GRID1: variants seen among roughly 807,000 people sequenced by gnomAD.
GRID1 encodes the protein glutamate receptor ionotropic, delta-1.
Under a neutral mutation model 98.0 loss-of-function variants are expected in GRID1, and 28 were observed. The ratio of observed to expected loss-of-function variants is 0.29; its 90% confidence interval spans 0.21 to 0.39. The LOEUF (loss-of-function observed/expected upper bound fraction) is 0.39. Among genes scored for constraint, GRID1 ranks in the 10% least tolerant of loss-of-function variants. The pLI is 1.00. For missense variants in GRID1, 1,111 were observed against 1,340.5 expected (o/e 0.83, Z 2.67); for synonymous variants, 553 against 538.5 (o/e 1.03, Z -0.37).
chr10:86,286,785 G>A (rs1314114785), intron 2 of GRID1, among the ~76,000 whole-genome samples: 3 of 152,234 alleles, frequency 2.0e-5, no homozygotes, highest in South Asian at 2.1e-4. Flanking sequence ...ACAGCTCTCC[G>A]CTCTGGGCGC....
chr10:85,914,724 G>C (rs1841588161), intron 5 of GRID1, among the ~76,000 whole-genome samples: 1 of 152,120 alleles, frequency 6.6e-6, no homozygotes, highest in African/African-American at 2.4e-5. Flanking sequence ...TATTAGCAAA[G>C]AACTAATGAG....
chr10:85,629,350 C>T (rs1040358680), intron 13 of GRID1, among the ~76,000 whole-genome samples: 1 of 152,104 alleles, frequency 6.6e-6, no homozygotes, highest in African/African-American at 2.4e-5. Flanking sequence ...ATATTGTACC[C>T]TTCATGTAAT....
chr10:85,643,682 G>T (rs1843150871), intron 13 of GRID1, among the ~76,000 whole-genome samples: 1 of 151,882 alleles, frequency 6.6e-6, no homozygotes, highest in Non-Finnish European at 1.5e-5. Flanking sequence ...TATGACACTA[G>T]TTATAAAACC....
At chr10:86,253,247 A>G (rs1442276099) in intron 2 of GRID1, among the ~76,000 whole-genome samples, 1 of 152,240 alleles carries the variant, frequency 6.6e-6, no homozygotes, top group Non-Finnish European at 1.5e-5. Context: ...GCCGGGTTCC[A>G]CATCCTGCAT....
At chr10:85,901,147 G>GCAAACTT (rs1564622035) in intron 5 of GRID1, among the ~76,000 whole-genome samples, 4 of 152,076 alleles carry the variant, frequency 2.6e-5, no homozygotes, top group African/African-American at 9.7e-5. Context: ...AAGTACAAAG[G>GCAAACTT]CAAACTTTCC....
intron 2 of GRID1, among the ~76,000 whole-genome samples, chr10:86,279,951 C>G (rs1847333984): frequency 6.6e-6 from 1 of 152,184 alleles, no homozygotes; most frequent in South Asian, 2.1e-4. Flanking sequence ...TGCCTCTAAT[C>G]TCAGTGCTTT....
At chr10:85,907,891 A>C (rs1189639423) in intron 5 of GRID1, among the ~76,000 whole-genome samples, 1 of 152,220 alleles carries the variant, frequency 6.6e-6, no homozygotes, top group Non-Finnish European at 1.5e-5. Flanking sequence ...AAATCAGTCA[A>C]TGTAATTCAG....
chr10:85,917,173 G>A (rs1053008426), intron 4 of GRID1, among the ~76,000 whole-genome samples: 4 of 152,138 alleles, frequency 2.6e-5, no homozygotes, highest in African/African-American at 7.2e-5. Flanking sequence ...AATACATCCC[G>A]TGAGCAGGTG....
Position 86,294,081 on chromosome 10 carries a change from G to C in GRID1, c.235+69860C>G, listed in dbSNP as rs557959220. 9.8e-5 allele frequency among the ~76,000 whole-genome samples: 15 copies of C among 152,332 alleles called. No individual in the cohort carries two copies. In the South Asian group the frequency reaches 2.1e-3, roughly 21 times the overall value. The stretch of plus-strand genomic sequence containing the variant: ...CGAGGCAGAGGATCAGGAGAGCCTA[G>C]TGTAGAAGCTGGAGGAGTATGGAGA... On this transcript the variant is annotated intron_variant, in intron 2 of 15. Transcript: ENST00000327946.
At chr10:85,971,732 A>C (rs1251236962) in intron 4 of GRID1, among the ~76,000 whole-genome samples, 3 of 152,158 alleles carry the variant, frequency 2.0e-5, no homozygotes, top group Non-Finnish European at 4.4e-5. Context: ...AAACTTTCAT[A>C]CAGTTCAGGT....
chr10:85,842,120 T>C (rs1450735083), intron 8 of GRID1, among the ~76,000 whole-genome samples: 1 of 152,108 alleles, frequency 6.6e-6, no homozygotes, highest in African/African-American at 2.4e-5. Flanking sequence ...GTGGTACATA[T>C]ATACCCTAGA....
chr10:86,176,739 A>G (rs1845580727), intron 3 of GRID1, among the ~76,000 whole-genome samples: 1 of 152,230 alleles, frequency 6.6e-6, no homozygotes, highest in South Asian at 2.1e-4. Context: ...AATTAGAGAA[A>G]GAAGACATTG....
chr10:86,317,498 G>A (rs1847915224), intron 2 of GRID1, among the ~76,000 whole-genome samples: 1 of 152,188 alleles, frequency 6.6e-6, no homozygotes, highest in Admixed American at 6.5e-5. Context: ...TGCTGAAAGT[G>A]TGGATTCTCC....
chr10:85,773,899 C>G (rs1052318153), intron 8 of GRID1, among the ~76,000 whole-genome samples: 1 of 152,018 alleles, frequency 6.6e-6, no homozygotes, highest in African/African-American at 2.4e-5. Context: ...GCCATACTGC[C>G]CAAGGTAATT....
chr10:86,042,577 G>C (rs1003264506), intron 4 of GRID1, among the ~76,000 whole-genome samples: 1 of 152,158 alleles, frequency 6.6e-6, no homozygotes, highest in Admixed American at 6.5e-5. Context: ...AGGGGGTATT[G>C]TAACACCCAA....
At chr10:86,079,324 GT>G (rs1338031988) in intron 4 of GRID1, among the ~76,000 whole-genome samples, 1 of 152,148 alleles carries the variant, frequency 6.6e-6, no homozygotes, top group African/African-American at 2.4e-5. Context: ...AGTCATCCTG[GT>G]TCTCCCTGAT....
intron 4 of GRID1, among the ~76,000 whole-genome samples, chr10:86,075,224 G>A (rs567029230): frequency 6.2e-5 from 9 of 145,536 alleles, no homozygotes; most frequent in Admixed American, 5.5e-4. Context: ...CAGTACCTGC[G>A]AATTTGGCCT....
Position 85,751,064 on chromosome 10 carries a change from G to T in GRID1, c.1234-21450C>A, listed in dbSNP as rs192446790. Among the ~76,000 whole-genome samples the T allele has an allele frequency of 8.1e-4, 123 of 152,276 alleles. 1 individual carries two copies. Among genetic ancestry groups the T allele is most frequent in the African/African-American group, 2.8e-3 (118 of 41,568 alleles). ...GTGTTGGATAGGTGGGCCCAGAGGG[G>T]GCTCTGGGAGAAAAGGACATGAGAT... On this transcript the variant is annotated intron_variant, in intron 8 of 15. Transcript: ENST00000327946.
At chr10:86,040,662 ATTC>A (rs1843333290) in intron 4 of GRID1, among the ~76,000 whole-genome samples, 1 of 152,132 alleles carries the variant, frequency 6.6e-6, no homozygotes, top group East Asian at 1.9e-4. Flanking sequence ...GGAGGAATAA[ATTC>A]TTCTGATCCA....
Sources: allele counts gnomAD v4.1 joint callset (sites outside exome capture counted in the v4.1 genomes callset), GRCh38; gene constraint gnomAD v4.1.1; transcripts MANE v1.5; gene names NCBI Gene and HGNC (gene_info 2026-07-23, HGNC 2026-07-21).